The following CLMN variants were observed in gnomAD, a reference collection of about 807,000 sequenced individuals.
The protein encoded by CLMN is calmin.
A neutral mutation model predicts 92.7 loss-of-function variants in CLMN; 57 were observed. The ratio of observed to expected loss-of-function variants is 0.61; its 90% CI spans 0.50 to 0.77. The LOEUF (loss-of-function observed/expected upper bound fraction) is 0.77, where lower values mean the gene tolerates loss of function less well. Among genes scored for constraint, CLMN ranks in the 30% least tolerant of loss-of-function variants. CLMN has a pLI of 0.00. For synonymous variants in CLMN, 466 were observed against 470.6 expected, an observed-to-expected ratio of 0.99 and a Z score of 0.13; for missense variants, 1,158 against 1,237.5, an observed-to-expected ratio of 0.94 and a Z score of 0.96.
rs116383458 is a variant in CLMN at position 95,266,234 on chromosome 14, C to T, written c.83-36101G>A. 8.1e-3 allele frequency among the ~76,000 whole-genome samples: 1,233 copies of T among 152,304 alleles called. 31 individuals are homozygous for T. Among genetic ancestry groups the T allele is most frequent in the African/African-American group, 0.027 (1,129 of 41,558 alleles). On this transcript the variant is annotated intron_variant, in intron 1 of 12. Transcript: ENST00000298912. ...TTAGGCAAAAGAAAGAAACGAAGGG[C>T]ATCCAAATGGAAAACGAAGTCAAGT...
chr14:95,221,581 T>C, intron 4 of CLMN, 110 bp downstream of exon 4: 1 of 903,122 alleles, frequency 1.1e-6, no homozygotes, highest in Non-Finnish European at 1.7e-6. Context: ...TTGACCATTT[T>C]AGCTCAGTCC....
intron 1 of CLMN, among the ~76,000 whole-genome samples, chr14:95,272,861 T>C (rs940897865): frequency 1.3e-5 from 2 of 152,232 alleles, no homozygotes; most frequent in Admixed American, 1.3e-4. Context: ...CTTGTTCATT[T>C]ATTATTTTTG....
intron 4 of CLMN, among the ~76,000 whole-genome samples, chr14:95,219,952 C>T (rs1449561943): frequency 6.6e-6 from 1 of 152,050 alleles, no homozygotes; most frequent in Non-Finnish European, 1.5e-5. Context: ...GAGCTACCAC[C>T]CCTCATCCCC....
chr14:95,245,229 AT>A (rs1898472726), intron 1 of CLMN, among the ~76,000 whole-genome samples: 2 of 35,838 alleles, frequency 5.6e-5, no homozygotes, highest in South Asian at 8.6e-4. Context: ...TATATATTAT[AT>A]ATATATATTA....
intron 1 of CLMN, among the ~76,000 whole-genome samples, chr14:95,246,094 C>T (rs1052790454): frequency 3.3e-5 from 5 of 152,180 alleles, no homozygotes; most frequent in Non-Finnish European, 7.3e-5. Flanking sequence ...CTGCTGCTCC[C>T]AGAGCTGACT....
chr14:95,227,008 G>T (rs1897732137), intron 2 of CLMN, among the ~76,000 whole-genome samples: 1 of 152,194 alleles, frequency 6.6e-6, no homozygotes. Flanking sequence ...GGGGAAGGCT[G>T]GGCATTCACA....
At chr14:95,245,520 A>G in intron 1 of CLMN, among the ~76,000 whole-genome samples, 1 of 143,644 alleles carries the variant, frequency 7.0e-6, no homozygotes, top group African/African-American at 2.6e-5. Flanking sequence ...GGGTAGATGG[A>G]TGGATGGATA....
chr14:95,311,398 G>A (rs1901533115), intron 1 of CLMN, among the ~76,000 whole-genome samples: 1 of 152,182 alleles, frequency 6.6e-6, no homozygotes, highest in Non-Finnish European at 1.5e-5. Flanking sequence ...CACCATCGGA[G>A]CCTGGGGTCC....
chr14:95,219,465 G>C (rs573161483), intron 4 of CLMN, among the ~76,000 whole-genome samples: 1 of 152,316 alleles, frequency 6.6e-6, no homozygotes, highest in East Asian at 1.9e-4. Context: ...TCAATCAAGG[G>C]GGGTGACGCA....
At chr14:95,244,278 T>C (rs1335770653) in intron 1 of CLMN, among the ~76,000 whole-genome samples, 1 of 152,226 alleles carries the variant, frequency 6.6e-6, no homozygotes, top group Non-Finnish European at 1.5e-5. Context: ...TCTACTTGAA[T>C]GCCTCCCGGG....
chr14:95,306,069 A>G (rs1257943299), intron 1 of CLMN, among the ~76,000 whole-genome samples: 6 of 152,158 alleles, frequency 3.9e-5, no homozygotes, highest in Non-Finnish European at 8.8e-5. Flanking sequence ...CCATCAGAGG[A>G]AGGCAGGAAG....
intron 12 of CLMN, 28 bp downstream of exon 12, chr14:95,193,821 C>G: frequency 6.2e-7 from 1 of 1,611,718 alleles, no homozygotes; most frequent in Non-Finnish European, 8.5e-7. Context: ...ATTACTACCC[C>G]CACAAAACCT....
intron 1 of CLMN, among the ~76,000 whole-genome samples, chr14:95,311,634 TA>T (rs1213454646): frequency 6.6e-6 from 1 of 151,896 alleles, no homozygotes; most frequent in Non-Finnish European, 1.5e-5. Flanking sequence ...GGGACAGAAA[TA>T]AAAGGTGAAG....
At chr14:95,252,399 C>G (rs553910739) in intron 1 of CLMN, among the ~76,000 whole-genome samples, 1 of 152,144 alleles carries the variant, frequency 6.6e-6, no homozygotes, top group South Asian at 2.1e-4. Context: ...GAATCTGACA[C>G]GTGGCAGTGA....
chr14:95,196,789 G>C (rs991986222), intron 9 of CLMN, 95 bp from the exon 10 acceptor site: 3 of 1,214,872 alleles, frequency 2.5e-6, no homozygotes, highest in Non-Finnish European at 3.5e-6. Flanking sequence ...GGCCCAGCCA[G>C]GGCGTCCCTT....
At chr14:95,216,566 C>A (rs1897353990) in intron 4 of CLMN, among the ~76,000 whole-genome samples, 1 of 152,206 alleles carries the variant, frequency 6.6e-6, no homozygotes, top group South Asian at 2.1e-4. Flanking sequence ...TTTAGCATGT[C>A]CTTGGGACAA....
At chr14:95,303,690 A>G (rs1425505992) in intron 1 of CLMN, among the ~76,000 whole-genome samples, 1 of 152,238 alleles carries the variant, frequency 6.6e-6, no homozygotes, top group East Asian at 1.9e-4. Context: ...TGGAATGAAC[A>G]TAGCCAGCAG....
At position 95,221,751 on chromosome 14, in the gene CLMN, C is replaced by T. The variant is rs200093199; in HGVS notation, c.264G>A (p.Ser88=). ...RNLLHEYKSS[S]HRIFRLNNIA... ...TGTTGTTCAACCGAAAAATACGATG[C>T]GACGAGGATTTGTATTCGTGCAGCT... The change falls in exon 4 of 13, where the codon TCG becomes TCA. Residue 88 remains serine (S), a synonymous_variant. Coordinates refer to ENST00000298912, the MANE Select transcript of CLMN (RefSeq NM_024734.4). 3.3e-5 allele frequency: 54 copies of T among 1,614,102 alleles called. No individual in the cohort carries two copies. Among genetic ancestry groups the T allele is most frequent in the Middle Eastern group, 1.6e-4 (1 of 6,062 alleles).
At chr14:95,196,776 C>G (rs151181436) in intron 9 of CLMN, 82 bp from the exon 10 acceptor site, 2 of 1,318,458 alleles carry the variant, frequency 1.5e-6, no homozygotes, top group Non-Finnish European at 1.0e-6. Context: ...AGTGCTCTGC[C>G]CAGGCCCAGC....
Sources: gnomAD v4.1 joint callset for allele counts (sites outside exome capture counted in the v4.1 genomes callset) on GRCh38, gnomAD v4.1.1 for gene constraint, MANE v1.5 for transcripts, NCBI Gene and HGNC (gene_info 2026-07-23, HGNC 2026-07-21) for gene names.